CACNA1D: variants seen among roughly 807,000 people sequenced by gnomAD.
CACNA1D encodes the protein calcium voltage-gated channel subunit alpha1 D.
A neutral mutation model predicts 257.1 loss-of-function variants in CACNA1D; 55 were observed. That is an observed-to-expected ratio of 0.21 (90% confidence interval 0.17 to 0.27). The LOEUF (loss-of-function observed/expected upper bound fraction) is 0.27, where lower values mean the gene tolerates loss of function less well. Among genes scored for constraint, CACNA1D ranks in the 10% least tolerant of loss-of-function variants. CACNA1D has a pLI of 1.00. For missense variants in CACNA1D, 1,876 were observed against 2,784.0 expected, an observed-to-expected ratio of 0.67 and a Z score of 7.34; for synonymous variants, 980 against 1,014.9, an observed-to-expected ratio of 0.97 and a Z score of 0.65.
At chr3:53,625,869 T>C (rs2093752376) in intron 3 of CACNA1D, among the ~76,000 whole-genome samples, 1 of 152,188 alleles carries the variant, frequency 6.6e-6, no homozygotes, top group Admixed American at 6.6e-5. Context: ...GTTCAGGGTA[T>C]TCAATGCAGA....
Position 53,497,349 on chromosome 3 carries a change from G to A in CACNA1D, c.265G>A (p.Ala89Thr), listed in dbSNP as rs1039308287. The A allele has an allele frequency of 6.8e-6, 11 of 1,613,974 alleles. No homozygotes were observed. The highest frequency in any genetic ancestry group is 1.7e-5 in the Admixed American group (1 of 60,004). ...SLSQRKRQQYAKSKKQGNSSN... is the reference protein window; with the variant it reads ...SLSQRKRQQYTKSKKQGNSSN... ...CTCCCAAAGAAAACGTCAGCAATAC[G>A]CCAAGAGCAAAAAACAGGGTAACTC... The change falls in exon 2 of 48, where the codon GCC (alanine) becomes ACC (threonine). Residue 89 changes from alanine (A) to threonine (T), a missense_variant. Ala to Thr is a moderately conservative substitution (Grantham distance 58, BLOSUM62 0). Coordinates refer to ENST00000350061, the MANE Select transcript of CACNA1D (RefSeq NM_001128840.3).
At chr3:53,563,998 T>C (rs765148689) in intron 3 of CACNA1D, among the ~76,000 whole-genome samples, 2 of 152,240 alleles carry the variant, frequency 1.3e-5, no homozygotes, top group Non-Finnish European at 2.9e-5. Flanking sequence ...TCCAATAATT[T>C]ATAGATGCTA....
chr3:53,667,820 A>AGTGT (rs143864310), intron 7 of CACNA1D, among the ~76,000 whole-genome samples: 1 of 147,256 alleles, frequency 6.8e-6, no homozygotes, highest in Non-Finnish European at 1.5e-5. Context: ...TAGGAGTGTG[A>AGTGT]GTGTGTGTGT....
intron 3 of CACNA1D, among the ~76,000 whole-genome samples, chr3:53,566,698 A>G (rs1157204108): frequency 6.6e-6 from 1 of 152,132 alleles, no homozygotes; most frequent in Non-Finnish European, 1.5e-5. Flanking sequence ...GGCTGAAAGG[A>G]GGGCAGAGAG....
At chr3:53,629,830 C>T (rs367646239) in intron 3 of CACNA1D, among the ~76,000 whole-genome samples, 10 of 152,248 alleles carry the variant, frequency 6.6e-5, no homozygotes, top group South Asian at 2.1e-4. Context: ...TCTGCCAGTG[C>T]GTTCAAAAGT....
In CACNA1D at chr3:53,497,366, G is replaced by A. The variant is rs749426004; in HGVS notation, c.282G>A (p.Gln94=). Residue 94 remains glutamine (Q), a synonymous_variant, in exon 2 of 48, where the codon CAG becomes CAA. Transcript: ENST00000350061. Reference sequence around the variant, plus strand: ...AGCAATACGCCAAGAGCAAAAAACAGGGTAACTCGTCCAACAGCCGACCTG... The same window carrying A: ...AGCAATACGCCAAGAGCAAAAAACAAGGTAACTCGTCCAACAGCCGACCTG... ...KRQQYAKSKK[Q]GNSSNSRPAR... is the part of the protein sequence containing the mutation. 1 of 1,614,166 alleles carries A rather than the reference G, an allele frequency of 6.2e-7. No individual in the cohort carries two copies. Among genetic ancestry groups the A allele is most frequent in the Non-Finnish European group, 8.5e-7 (1 of 1,180,028 alleles).
At chr3:53,644,526 C>A (rs147678009) in intron 3 of CACNA1D, among the ~76,000 whole-genome samples, 2 of 152,264 alleles carry the variant, frequency 1.3e-5, no homozygotes, top group East Asian at 3.9e-4. Flanking sequence ...TGCTTCTGTG[C>A]GTTCAGTGTT....
intron 8 of CACNA1D, among the ~76,000 whole-genome samples, chr3:53,698,806 CTTT>C (rs11393164): frequency 1.0e-4 from 14 of 135,144 alleles, no homozygotes; most frequent in Admixed American, 2.9e-4. Context: ...CACTTTATTG[CTTT>C]TTTTTTTTTT....
chr3:53,718,347 C>T lies in CACNA1D; in HGVS notation c.1437C>T (p.Val479=), dbSNP rs1379298548. ...CTGAGTCTGTGAACACAGAGAACGT[C>T]AGCGGTGAAGGCGAGAACCGAGGCT... ...SETESVNTEN[V]SGEGENRGCC... Residue 479 remains valine (V), a synonymous_variant, in exon 10 of 48, where the codon GTC becomes GTT. Coordinates refer to ENST00000350061, the MANE Select transcript of CACNA1D (RefSeq NM_001128840.3). The T allele has an allele frequency of 1.2e-6, 2 of 1,614,206 alleles. No homozygotes were observed. The highest frequency in any genetic ancestry group is 1.7e-6 in the Non-Finnish European group (2 of 1,180,020).
chr3:53,735,412 T>C lies in CACNA1D; in HGVS notation c.2660T>C (p.Ile887Thr). ...TGCCACAAGCTCATCAACCACCACA[T>C]CTTCACCAACCTCATCCTTGTCTTC... ...VGCHKLINHH[I>T]FTNLILVFIM... is the part of the protein sequence containing the mutation. The change falls in exon 20 of 48, where the codon ATC (isoleucine) becomes ACC (threonine). Residue 887 changes from isoleucine (I) to threonine (T), a missense_variant. Coordinates refer to ENST00000350061, the MANE Select transcript of CACNA1D (RefSeq NM_001128840.3). The C allele has an allele frequency of 6.2e-7, 1 of 1,614,046 alleles. No individual in the cohort carries two copies. Among genetic ancestry groups the C allele is most frequent in the Non-Finnish European group, 8.5e-7 (1 of 1,179,914 alleles).
At chr3:53,729,352 G>A (rs923466762) in intron 15 of CACNA1D, among the ~76,000 whole-genome samples, 1 of 152,126 alleles carries the variant, frequency 6.6e-6, no homozygotes, top group African/African-American at 2.4e-5. Flanking sequence ...GTTGGTTTAC[G>A]TGTTCAGCAA....
At chr3:53,675,501 T>C (rs1249635567) in intron 8 of CACNA1D, among the ~76,000 whole-genome samples, 1 of 152,140 alleles carries the variant, frequency 6.6e-6, no homozygotes, top group Admixed American at 6.5e-5. Flanking sequence ...ACAGTGCCGG[T>C]GACATCCCTT....
intron 3 of CACNA1D, among the ~76,000 whole-genome samples, chr3:53,512,454 TTTGA>T (rs2091152412): frequency 6.6e-6 from 1 of 152,140 alleles, no homozygotes; most frequent in African/African-American, 2.4e-5. Flanking sequence ...ACCGCCTGGT[TTTGA>T]TTGACCCTGA....
intron 8 of CACNA1D, among the ~76,000 whole-genome samples, chr3:53,676,968 C>T (rs1158487137): frequency 6.6e-6 from 1 of 152,154 alleles, no homozygotes; most frequent in Non-Finnish European, 1.5e-5. Flanking sequence ...GGATATGCTC[C>T]CATTATGACC....
chr3:53,786,717 A>ACCC, intron 39 of CACNA1D, 105 bp from the exon 40 acceptor site: 20 of 275,356 alleles, frequency 7.3e-5, no homozygotes, highest in Middle Eastern at 1.1e-3. Context: ...CGGACCGCCC[A>ACCC]CCCGCCCCAC....
intron 3 of CACNA1D, among the ~76,000 whole-genome samples, chr3:53,606,329 C>A (rs574026509): frequency 3.9e-5 from 6 of 152,210 alleles, no homozygotes; most frequent in Non-Finnish European, 8.8e-5. Flanking sequence ...AGGAGGGAGG[C>A]CATGTCAGTT....
chr3:53,771,551 G>C (rs1559658986), intron 32 of CACNA1D, among the ~76,000 whole-genome samples: 1 of 152,196 alleles, frequency 6.6e-6, no homozygotes, highest in Admixed American at 6.5e-5. Flanking sequence ...GGAGAATGAG[G>C]TTGGAGGAAG....
At chr3:53,610,676 A>AT (rs2093571836) in intron 3 of CACNA1D, among the ~76,000 whole-genome samples, 1 of 151,646 alleles carries the variant, frequency 6.6e-6, no homozygotes, top group Admixed American at 6.6e-5. Context: ...CTTATTTTCT[A>AT]TTTTTTCCAT....
In CACNA1D at chr3:53,793,948, G is replaced by A. The variant is rs542186944; in HGVS notation, c.4924-6301G>A. Among the ~76,000 whole-genome samples the A allele has an allele frequency of 6.6e-6, 1 of 152,308 alleles. No individual in the cohort carries two copies. The highest frequency in any genetic ancestry group is 2.4e-5 in the African/African-American group (1 of 41,570). ...GGCACCCCCAACACCAGCATCCATA[G>A]GCTAAACTCTTCAGCTCCTGGATAG... On this transcript the variant is annotated intron_variant, in intron 40 of 47. Transcript: ENST00000350061. This position sits in a 1 kb window ranked among gnomAD's most constrained non-coding sequence, Gnocchi z 4.1.
Sources: gnomAD v4.1 joint callset for allele counts (sites outside exome capture counted in the v4.1 genomes callset) on GRCh38, gnomAD v4.1.1 for gene constraint, Gnocchi (gnomAD v3.1) non-coding constraint, MANE v1.5 for transcripts, NCBI Gene and HGNC (gene_info 2026-07-23, HGNC 2026-07-21) for gene names.